LCORL: variants seen among roughly 807,000 people sequenced by gnomAD.
The protein encoded by LCORL is ligand-dependent nuclear receptor corepressor-like protein.
Under a neutral mutation model 141.8 loss-of-function variants are expected in LCORL, and 41 were observed. That is an observed-to-expected ratio of 0.29 (90% CI 0.23 to 0.38). The LOEUF (loss-of-function observed/expected upper bound fraction) is 0.38, where lower values mean the gene tolerates loss of function less well. Among genes scored for constraint, LCORL ranks in the 10% least tolerant of loss-of-function variants. LCORL has a pLI of 1.00. For missense variants in LCORL, 1,759 were observed against 2,035.0 expected (o/e 0.86, Z 2.61); for synonymous variants, 618 against 694.1 (o/e 0.89, Z 1.72).
intron 4 of LCORL, among the ~76,000 whole-genome samples, chr4:17,958,768 T>G (rs1435216156): frequency 1.3e-5 from 2 of 151,964 alleles, no homozygotes; most frequent in Non-Finnish European, 2.9e-5. Context: ...TAGTATTCAT[T>G]TATTCACCCA....
chr4:17,871,720 TA>T (rs537050669), intron 7 of LCORL, among the ~76,000 whole-genome samples: 15 of 148,434 alleles, frequency 1.0e-4, no homozygotes, highest in Admixed American at 2.0e-4. Flanking sequence ...TGAATTATAA[TA>T]AAAAAAAAAC....
intron 1 of LCORL, among the ~76,000 whole-genome samples, chr4:18,011,898 C>A (rs1004750108): frequency 6.6e-6 from 1 of 152,186 alleles, no homozygotes; most frequent in African/African-American, 2.4e-5. Flanking sequence ...TCCTTCAAGT[C>A]AAAATTAATT....
intron 1 of LCORL, among the ~76,000 whole-genome samples, chr4:18,008,420 C>G (rs578037889): frequency 1.3e-5 from 2 of 152,232 alleles, no homozygotes; most frequent in South Asian, 2.1e-4. Flanking sequence ...AACTCAAGTT[C>G]TAAAATAAAA....
chr4:17,951,396 T>C (rs973415701), intron 4 of LCORL, among the ~76,000 whole-genome samples: 73 of 152,304 alleles, frequency 4.8e-4, no homozygotes, highest in African/African-American at 1.7e-3. Flanking sequence ...AAACATTCTA[T>C]AAAACTAAAG....
intron 4 of LCORL, chr4:17,911,675 T>C (rs1707492689): frequency 2.0e-6 from 1 of 499,510 alleles, no homozygotes; most frequent in Admixed American, 2.2e-5. Flanking sequence ...CTGGACAGCA[T>C]GAGCTTCACC....
At chr4:17,989,697 C>G (rs1719629113) in intron 1 of LCORL, among the ~76,000 whole-genome samples, 1 of 152,156 alleles carries the variant, frequency 6.6e-6, no homozygotes, top group African/African-American at 2.4e-5. Context: ...TCATAAAAAT[C>G]ATTAGTTGAT....
chr4:17,850,195 C>CTA (rs1251063187), intron 7 of LCORL, among the ~76,000 whole-genome samples: 2 of 143,078 alleles, frequency 1.4e-5, no homozygotes, highest in Non-Finnish European at 3.0e-5. Context: ...AAAACCTAGG[C>CTA]ATTACCATTC....
At chr4:17,874,412 G>A (rs74822676) in exon 7 of LCORL, 1 of 1,233,712 alleles carries the variant, frequency 8.1e-7, no homozygotes. Flanking sequence ...AAGGGTTTCG[G>A]GCATTTGCTT....
At chr4:17,845,526 C>G (rs1159871963) in exon 8 of LCORL, 1 of 419,074 alleles carries the variant, frequency 2.4e-6, no homozygotes, top group Non-Finnish European at 4.2e-6. Context: ...AATCCGTTTA[C>G]AAAATTCCAC....
chr4:17,964,515 T>G lies in LCORL; in HGVS notation c.221-1466A>C, dbSNP rs559035833. ...AGTTTGCAGAAAGATTTTAATTAAATTTTAATTAAGAAAACTGGTCACCTT... is the reference window on the plus strand; with the variant it reads ...AGTTTGCAGAAAGATTTTAATTAAAGTTTAATTAAGAAAACTGGTCACCTT... On this transcript the variant is annotated intron_variant, in intron 2 of 7. Transcript: ENST00000635767. Among the ~76,000 whole-genome samples the G allele has an allele frequency of 4.6e-5, 7 of 152,042 alleles. No individual in the cohort carries two copies. In the East Asian group the frequency reaches 1.4e-3, roughly 29 times the overall value.
At chr4:17,933,838 T>G (rs1437527526) in intron 4 of LCORL, among the ~76,000 whole-genome samples, 1 of 152,118 alleles carries the variant, frequency 6.6e-6, no homozygotes, top group East Asian at 1.9e-4. Flanking sequence ...ATTTAATTAG[T>G]GGTGCATTTG....
rs1472175724 is a variant in LCORL, at chr4:17,994,305, G to A, written c.155-21420C>T. On this transcript the variant is annotated intron_variant, in intron 1 of 7. Coordinates refer to ENST00000635767, the Ensembl canonical transcript of LCORL. The stretch of plus-strand genomic sequence containing the variant: ...TTCCATATTTCAGTACAAAATAAAA[G>A]AAAAATCAATATTCCGTCTCATGTC... 7.2e-5 allele frequency among the ~76,000 whole-genome samples: 11 copies of A among 151,910 alleles called. No homozygotes were observed. The East Asian group carries it at 1.9e-3, about 27-fold the overall frequency.
chr4:17,854,142 T>A (rs370740811), intron 7 of LCORL, among the ~76,000 whole-genome samples: 1 of 152,104 alleles, frequency 6.6e-6, no homozygotes, highest in South Asian at 2.1e-4. Flanking sequence ...GGAAGATTTG[T>A]AGAGCTCGAG....
chr4:17,895,035 T>C (rs1729695517), intron 5 of LCORL, among the ~76,000 whole-genome samples: 1 of 149,202 alleles, frequency 6.7e-6, no homozygotes, highest in South Asian at 2.1e-4. Context: ...ATATATATAA[T>C]ATATATAAAA....
At chr4:17,965,411 A>G (rs1430854248) in intron 2 of LCORL, among the ~76,000 whole-genome samples, 1 of 152,136 alleles carries the variant, frequency 6.6e-6, no homozygotes, top group Non-Finnish European at 1.5e-5. Context: ...ATTCATTTTA[A>G]TCTCTCAAAC....
At chr4:17,940,521 T>C (rs946208871) in intron 4 of LCORL, among the ~76,000 whole-genome samples, 1 of 146,566 alleles carries the variant, frequency 6.8e-6, no homozygotes, top group African/African-American at 2.5e-5. Context: ...ATGTAATATA[T>C]ATGCCTCTTT....
At chr4:17,965,733 T>A (rs1021465408) in intron 2 of LCORL, among the ~76,000 whole-genome samples, 5 of 152,090 alleles carry the variant, frequency 3.3e-5, no homozygotes, top group African/African-American at 9.7e-5. Context: ...TTAACTTGAG[T>A]TTCAGATTCT....
intron 4 of LCORL, among the ~76,000 whole-genome samples, chr4:17,938,402 T>G (rs180774746): frequency 6.6e-6 from 1 of 150,880 alleles, no homozygotes; most frequent in African/African-American, 2.5e-5. Context: ...TACTTCATTT[T>G]GTAACTGTTT....
chr4:17,874,189 T>C (rs568211137), exon 7 of LCORL: 2 of 1,233,828 alleles, frequency 1.6e-6, no homozygotes, highest in Non-Finnish European at 2.0e-6. Context: ...TGATGCAACC[T>C]CTTAAACTCA....
Sources: allele counts gnomAD v4.1 joint callset (sites outside exome capture counted in the v4.1 genomes callset), GRCh38; gene constraint gnomAD v4.1.1; transcripts MANE v1.5; gene names NCBI Gene and HGNC (gene_info 2026-07-23, HGNC 2026-07-21).